The following CACNG7 variants were observed in gnomAD, a reference collection of about 807,000 sequenced individuals.
CACNG7 encodes the protein voltage-dependent calcium channel gamma-7 subunit.
In CACNG7, 9 loss-of-function variants were observed where a neutral mutation model predicts 26.3. The observed-to-expected ratio is 0.34, with a 90% CI of 0.21 to 0.60. The LOEUF is 0.60. CACNG7 is among the 20% of genes least tolerant of loss of function. The pLI is 0.81. For synonymous variants in CACNG7, 170 were observed against 157.0 expected, an observed-to-expected ratio of 1.08 and a Z score of -0.62; for missense variants, 297 against 380.4, an observed-to-expected ratio of 0.78 and a Z score of 1.82.
At chr19:53,915,552 G>T in intron 4 of CACNG7, 47 bp downstream of exon 4, 1 of 1,606,814 alleles carries the variant, frequency 6.2e-7, no homozygotes, top group South Asian at 1.1e-5. Flanking sequence ...TCCAGTTCCA[G>T]GGACCTGTGG....
chr19:53,939,817 G>T lies in CACNG7; in HGVS notation c.425-1653G>T, dbSNP rs1435208345. 1.3e-5 allele frequency among the ~76,000 whole-genome samples: 2 copies of T among 152,172 alleles called. No individual in the cohort carries two copies. Among genetic ancestry groups the T allele is most frequent in the African/African-American group, 4.8e-5 (2 of 41,420 alleles). On this transcript the variant is annotated intron_variant, in intron 4 of 5. Coordinates refer to ENST00000391767, the MANE Select transcript of CACNG7 (RefSeq NM_031896.5). The surrounding 1 kb of genome is among the most constrained non-coding windows in gnomAD (Gnocchi z 4.2). ...TAGGAGTGGAATTGCTGGGTCATAT[G>T]ATAATTCTATCTTTAACTTTTTGAG...
intron 4 of CACNG7, among the ~76,000 whole-genome samples, chr19:53,931,602 C>T (rs796276913): frequency 4.1e-5 from 6 of 144,934 alleles, no homozygotes; most frequent in Admixed American, 1.4e-4. Context: ...GCAGGAGAAT[C>T]GCTTGAACTC....
At chr19:53,919,315 T>A (rs2068919481) in intron 4 of CACNG7, among the ~76,000 whole-genome samples, 1 of 152,246 alleles carries the variant, frequency 6.6e-6, no homozygotes, top group African/African-American at 2.4e-5. Context: ...AGACAGGGAT[T>A]GCCCCAGACC....
chr19:53,912,825 T>C lies in CACNG7; in HGVS notation c.-7T>C, dbSNP rs1341642067. ...CAGGCCCCGCAGGGCGCCCCCTGCCTCTGAGGATGAGTCACTGCAGCAGCC... is the reference window on the plus strand; with the variant it reads ...CAGGCCCCGCAGGGCGCCCCCTGCCCCTGAGGATGAGTCACTGCAGCAGCC... On this transcript the variant is annotated 5_prime_UTR_variant, in exon 2 of 6. Coordinates refer to ENST00000391767, the MANE Select transcript of CACNG7 (RefSeq NM_031896.5). This position sits in a 1 kb window ranked among gnomAD's most constrained non-coding sequence, Gnocchi z 4.6. 1.2e-6 allele frequency: 2 copies of C among 1,611,210 alleles called. No individual in the cohort carries two copies. The highest frequency in any genetic ancestry group is 1.7e-6 in the Non-Finnish European group (2 of 1,179,870).
At chr19:53,914,862 C>T (rs1283331005) in intron 3 of CACNG7, among the ~76,000 whole-genome samples, 2 of 151,884 alleles carry the variant, frequency 1.3e-5, no homozygotes, top group East Asian at 3.9e-4. Flanking sequence ...ATTAGCTGGG[C>T]GTGGTGGCGC....
chr19:53,938,580 G>A (rs1399728692), intron 4 of CACNG7, among the ~76,000 whole-genome samples: 1 of 152,158 alleles, frequency 6.6e-6, no homozygotes, highest in Non-Finnish European at 1.5e-5. Flanking sequence ...CAGGCAATAT[G>A]TAAACAAATG....
intron 1 of CACNG7, among the ~76,000 whole-genome samples, chr19:53,910,971 G>A (rs2068858279): frequency 1.3e-5 from 2 of 151,906 alleles, no homozygotes; most frequent in Non-Finnish European, 2.9e-5. Context: ...TAGAGTTCAG[G>A]GCACTGAATC....
intron 4 of CACNG7, among the ~76,000 whole-genome samples, chr19:53,918,527 A>G (rs1305949503): frequency 6.6e-6 from 1 of 152,192 alleles, no homozygotes; most frequent in Non-Finnish European, 1.5e-5. Flanking sequence ...CTCACAAACC[A>G]TACAAAAGCA....
intron 4 of CACNG7, among the ~76,000 whole-genome samples, chr19:53,925,010 G>A (rs1442769215): frequency 8.2e-6 from 1 of 122,246 alleles, no homozygotes; most frequent in East Asian, 2.3e-4. Flanking sequence ...CCCAGGTCTG[G>A]TATTGGTGGA....
At position 53,915,358 on chromosome 19, in the gene CACNG7, T is replaced by C. The variant is rs1389736710; in HGVS notation, c.284-7T>C. 1.0e-5 allele frequency: 14 copies of C among 1,399,342 alleles called. No homozygotes were observed. The highest frequency in any genetic ancestry group is 2.6e-5 in the East Asian group (1 of 38,018). The allele number at this position is 1,399,342 out of a possible 1,614,324, so 86.7% of individuals were successfully genotyped here. A position where few individuals can be genotyped will look rare whatever the true frequency, so the allele number is the denominator to read the frequency against. On this transcript the variant is annotated splice_region_variant and splice_polypyrimidine_tract_variant and intron_variant, in intron 3 of 5. Transcript: ENST00000391767. ...CTCACCCCTGTCTCTCCCCATCCCC[T>C]CCCCAGAGACAGTGCGCACGGCCAC...
At chr19:53,933,839 A>T (rs1040089376) in intron 4 of CACNG7, among the ~76,000 whole-genome samples, 2 of 152,016 alleles carry the variant, frequency 1.3e-5, no homozygotes, top group Admixed American at 1.3e-4. Flanking sequence ...CTGAAGACTG[A>T]GGGACAGGGT....
At chr19:53,935,238 T>C (rs1489022416) in intron 4 of CACNG7, among the ~76,000 whole-genome samples, 1 of 152,040 alleles carries the variant, frequency 6.6e-6, no homozygotes, top group Admixed American at 6.6e-5. Flanking sequence ...AGTACAATAA[T>C]CAAATTCAGG....
At chr19:53,913,590 T>G (rs2068874156) in intron 2 of CACNG7, among the ~76,000 whole-genome samples, 1 of 151,696 alleles carries the variant, frequency 6.6e-6, no homozygotes, top group Non-Finnish European at 1.5e-5. Flanking sequence ...CCACTGCCAC[T>G]GCGCTCCAGC....
rs370720912 is a variant in CACNG7, at chr19:53,912,910, G to A, written c.79G>A (p.Ala27Thr). 7 of 1,614,094 alleles carry A rather than the reference G, an allele frequency of 4.3e-6. No homozygotes were observed. The highest frequency in any genetic ancestry group is 5.1e-6 in the Non-Finnish European group (6 of 1,180,032). ...GTGTGGCCTGCTCCTGGTAGGCATC[G>A]CGGTCAGCACTGACTACTGGCTGTA... ...GACGLLLVGI[A>T]VSTDYWLYME... is the part of the protein sequence containing the mutation. Residue 27 changes from alanine to threonine, a missense_variant, in exon 2 of 6, where the codon GCG becomes ACG. Physicochemically the swap from Ala to Thr is moderately conservative, Grantham distance 58. Transcript: ENST00000391767. This position sits in a 1 kb window ranked among gnomAD's most constrained non-coding sequence, Gnocchi z 4.6.
rs1038381437 is a variant in CACNG7, at chr19:53,940,728, A to G, written c.425-742A>G. 6.6e-6 allele frequency among the ~76,000 whole-genome samples: 1 copy of G among 151,674 alleles called. No individual in the cohort carries two copies. Among genetic ancestry groups the G allele is most frequent in the African/African-American group, 2.4e-5 (1 of 41,252 alleles). On this transcript the variant is annotated intron_variant, in intron 4 of 5. Coordinates refer to ENST00000391767, the MANE Select transcript of CACNG7 (RefSeq NM_031896.5). The surrounding 1 kb of genome is among the most constrained non-coding windows in gnomAD (Gnocchi z 4.1). ...TCCGAAACCTTTGCCCATGCTGTGCACTCTGCCAGTGTGCCCTTATTCTTC... is the reference window on the plus strand; with the variant it reads ...TCCGAAACCTTTGCCCATGCTGTGCGCTCTGCCAGTGTGCCCTTATTCTTC...
At chr19:53,938,194 A>C (rs1292515308) in intron 4 of CACNG7, among the ~76,000 whole-genome samples, 1 of 152,076 alleles carries the variant, frequency 6.6e-6, no homozygotes, top group African/African-American at 2.4e-5. Flanking sequence ...AAAAAAATGC[A>C]AAAGTTAGCC....
intron 4 of CACNG7, among the ~76,000 whole-genome samples, chr19:53,932,806 T>G (rs2069081264): frequency 6.6e-6 from 1 of 151,858 alleles, no homozygotes; most frequent in Admixed American, 6.6e-5. Context: ...AATATGTTCA[T>G]CTATTTCAGT....
intron 5 of CACNG7, 58 bp from the exon 6 acceptor site, chr19:53,941,978 C>T: frequency 6.7e-7 from 1 of 1,503,558 alleles, no homozygotes; most frequent in African/African-American, 1.4e-5. Context: ...GGAGATGAGT[C>T]GGGGTCCGGG....
intron 4 of CACNG7, among the ~76,000 whole-genome samples, chr19:53,925,483 G>A (rs920459233): frequency 6.7e-6 from 1 of 148,554 alleles, no homozygotes; most frequent in Non-Finnish European, 1.5e-5. Context: ...AGTTGCCCCA[G>A]GCTGGTCATT....
Sources: allele counts gnomAD v4.1 joint callset (sites outside exome capture counted in the v4.1 genomes callset), GRCh38; gene constraint gnomAD v4.1.1; non-coding constraint Gnocchi (gnomAD v3.1); transcripts MANE v1.5; gene names NCBI Gene and HGNC (gene_info 2026-07-23, HGNC 2026-07-21).